ZNF385B: variants seen among roughly 807,000 people sequenced by gnomAD.
ZNF385B encodes the protein zinc finger protein 385B.
In ZNF385B, 23 loss-of-function variants were observed where a neutral mutation model predicts 39.2. That is an observed-to-expected ratio of 0.59 (90% confidence interval 0.42 to 0.83). The LOEUF is 0.83. Ranked by LOEUF, ZNF385B falls within the 40% of genes least tolerant of loss-of-function variation. ZNF385B has a pLI of 0.00. For missense variants in ZNF385B, 552 were observed against 598.9 expected, an observed-to-expected ratio of 0.92 and a Z score of 0.82; for synonymous variants, 205 against 222.6, an observed-to-expected ratio of 0.92 and a Z score of 0.70.
At chr2:179,860,093 C>G (rs1244435523) in intron 1 of ZNF385B, among the ~76,000 whole-genome samples, 2 of 152,186 alleles carry the variant, frequency 1.3e-5, no homozygotes, top group Admixed American at 1.3e-4. Flanking sequence ...TCTATAGGAA[C>G]ATCTTTTGCT....
At chr2:179,644,823 C>T (rs2106230428) in intron 3 of ZNF385B, among the ~76,000 whole-genome samples, 2 of 152,264 alleles carry the variant, frequency 1.3e-5, no homozygotes, top group East Asian at 3.9e-4. Flanking sequence ...TCCCTTTGAG[C>T]ATCTCTCTGA....
At chr2:179,609,983 C>T (rs531187887) in intron 3 of ZNF385B, among the ~76,000 whole-genome samples, 6 of 152,092 alleles carry the variant, frequency 3.9e-5, no homozygotes, top group African/African-American at 9.7e-5. Context: ...ATGGATACTT[C>T]GCAAATATTT....
chr2:179,743,678 A>G (rs1178692175), intron 3 of ZNF385B, among the ~76,000 whole-genome samples: 1 of 152,152 alleles, frequency 6.6e-6, no homozygotes, highest in African/African-American at 2.4e-5. Context: ...GCATTATTCA[A>G]CCAGGGTTAT....
At chr2:179,674,278 G>T (rs1369395929) in intron 3 of ZNF385B, among the ~76,000 whole-genome samples, 1 of 152,172 alleles carries the variant, frequency 6.6e-6, no homozygotes, top group Non-Finnish European at 1.5e-5. Context: ...TAGTGAAGGA[G>T]ACGGATTATT....
At chr2:179,482,374 C>T (rs929041183) in intron 6 of ZNF385B, among the ~76,000 whole-genome samples, 1 of 152,252 alleles carries the variant, frequency 6.6e-6, no homozygotes, top group Non-Finnish European at 1.5e-5. Flanking sequence ...GACATATTCT[C>T]TCAGTCTCCT....
intron 1 of ZNF385B, among the ~76,000 whole-genome samples, chr2:179,841,754 A>G (rs912064775): frequency 1.3e-5 from 2 of 152,230 alleles, no homozygotes; most frequent in Non-Finnish European, 2.9e-5. Context: ...AATCCTAGAG[A>G]GAATTTCTTC....
chr2:179,791,251 CAAAT>C (rs1445242388), intron 1 of ZNF385B, among the ~76,000 whole-genome samples: 4 of 152,168 alleles, frequency 2.6e-5, no homozygotes, highest in Non-Finnish European at 5.9e-5. Context: ...GAGCCCCAAA[CAAAT>C]AAACAGTAGC....
intron 3 of ZNF385B, among the ~76,000 whole-genome samples, chr2:179,653,204 C>T (rs1693372216): frequency 6.6e-6 from 1 of 152,062 alleles, no homozygotes; most frequent in South Asian, 2.1e-4. Context: ...ATCAGGAGAC[C>T]ATCAAAAAGC....
At position 179,474,793 on chromosome 2, in the gene ZNF385B, G is replaced by A. The variant is rs1258598962; in HGVS notation, c.715+8479C>T. ...TTTGCAAAAAACAGAAAGAAGGGTA[G>A]CTAAAATAAGCATCACAGGAAAAGG... On this transcript the variant is annotated intron_variant, in intron 6 of 9. Coordinates refer to ENST00000410066, the MANE Select transcript of ZNF385B (RefSeq NM_152520.6). 2.0e-5 allele frequency among the ~76,000 whole-genome samples: 3 copies of A among 152,086 alleles called. No individual in the cohort carries two copies. The East Asian group carries it at 5.8e-4, about 29-fold the overall frequency.
At chr2:179,574,657 GGAAGTTAATCT>G (rs1685601777) in intron 3 of ZNF385B, among the ~76,000 whole-genome samples, 2 of 152,154 alleles carry the variant, frequency 1.3e-5, no homozygotes, top group African/African-American at 2.4e-5. Flanking sequence ...GCAATACTAA[GGAAGTTAATCT>G]GAAGTCATAC....
intron 1 of ZNF385B, among the ~76,000 whole-genome samples, chr2:179,832,848 T>C (rs1260267246): frequency 1.3e-5 from 2 of 152,220 alleles, no homozygotes; most frequent in Non-Finnish European, 2.9e-5. Context: ...AAATGAACCA[T>C]GCTGAATTGA....
chr2:179,777,774 T>G (rs1200467597), intron 1 of ZNF385B, among the ~76,000 whole-genome samples: 1 of 151,740 alleles, frequency 6.6e-6, no homozygotes, highest in Non-Finnish European at 1.5e-5. Context: ...AAGAGGTTTT[T>G]TTTTTTTTTT....
intron 1 of ZNF385B, among the ~76,000 whole-genome samples, chr2:179,842,461 CAT>C (rs1466849050): frequency 1.3e-5 from 2 of 152,198 alleles, no homozygotes; most frequent in Admixed American, 1.3e-4. Context: ...AATCTGATCA[CAT>C]ATGAGTTTTC....
At chr2:179,836,711 G>T (rs1222769390) in intron 1 of ZNF385B, among the ~76,000 whole-genome samples, 1 of 151,222 alleles carries the variant, frequency 6.6e-6, no homozygotes, top group African/African-American at 2.4e-5. Flanking sequence ...GTAGAGACGG[G>T]GTTTCACCTT....
At chr2:179,636,593 C>T (rs1691775513) in intron 3 of ZNF385B, among the ~76,000 whole-genome samples, 2 of 152,170 alleles carry the variant, frequency 1.3e-5, no homozygotes, top group South Asian at 4.1e-4. Context: ...TTCTCAGGCC[C>T]TCTCAGGGCC....
At chr2:179,726,031 G>A (rs1290894409) in intron 3 of ZNF385B, among the ~76,000 whole-genome samples, 1 of 151,676 alleles carries the variant, frequency 6.6e-6, no homozygotes, top group Non-Finnish European at 1.5e-5. Flanking sequence ...AAATCTTAGA[G>A]TCATAGCTTC....
chr2:179,542,816 G>T (rs536544410), intron 4 of ZNF385B, among the ~76,000 whole-genome samples: 91 of 152,290 alleles, frequency 6.0e-4, no homozygotes, highest in Non-Finnish European at 1.1e-3. Context: ...TCCAGAAGGG[G>T]ATTAGAAGGA....
intron 1 of ZNF385B, among the ~76,000 whole-genome samples, chr2:179,835,509 G>C (rs964321117): frequency 1.3e-5 from 2 of 152,000 alleles, no homozygotes; most frequent in South Asian, 2.1e-4. Context: ...TGCTGGTGGT[G>C]GGGGGGCCAG....
intron 3 of ZNF385B, among the ~76,000 whole-genome samples, chr2:179,682,117 T>C (rs902280328): frequency 3.3e-5 from 5 of 152,192 alleles, no homozygotes; most frequent in Non-Finnish European, 7.3e-5. Flanking sequence ...AAGGCTCCCA[T>C]AATTTTCAAT....
Sources: gnomAD v4.1 joint callset for allele counts (sites outside exome capture counted in the v4.1 genomes callset) on GRCh38, gnomAD v4.1.1 for gene constraint, MANE v1.5 for transcripts, NCBI Gene and HGNC (gene_info 2026-07-23, HGNC 2026-07-21) for gene names.